The following UBAP1 variants were observed in gnomAD, a reference collection of about 807,000 sequenced individuals.
UBAP1 encodes the protein ubiquitin associated protein 1.
Under a neutral mutation model 39.0 loss-of-function variants are expected in UBAP1, and 5 were observed. The observed-to-expected ratio is 0.13, with a 90% CI of 0.07 to 0.27. The LOEUF is 0.27. Ranked by LOEUF, UBAP1 falls within the 10% of genes least tolerant of loss-of-function variation. The pLI is 1.00. For synonymous variants in UBAP1, 211 were observed against 225.1 expected (o/e 0.94, Z 0.56); for missense variants, 490 against 608.1 (o/e 0.81, Z 2.04).
intron 4 of UBAP1, among the ~76,000 whole-genome samples, chr9:34,245,703 CTG>C (rs1834145145): frequency 1.2e-5 from 1 of 81,260 alleles, no homozygotes. Context: ...TGATCACTGA[CTG>C]TGTGTATCTT....
intron 4 of UBAP1, among the ~76,000 whole-genome samples, chr9:34,242,713 C>T (rs1449729678): frequency 6.6e-6 from 1 of 151,892 alleles, no homozygotes; most frequent in Non-Finnish European, 1.5e-5. Context: ...TTAGTAGAGA[C>T]GGGGTTTTAC....
chr9:34,204,594 T>C (rs1386226598), intron 1 of UBAP1, among the ~76,000 whole-genome samples: 1 of 152,140 alleles, frequency 6.6e-6, no homozygotes, highest in African/African-American at 2.4e-5. Flanking sequence ...TAGAAAATAA[T>C]CTATCTCTAG....
intron 1 of UBAP1, among the ~76,000 whole-genome samples, chr9:34,195,496 C>G (rs1464316140): frequency 6.6e-6 from 1 of 152,028 alleles, no homozygotes; most frequent in African/African-American, 2.4e-5. Flanking sequence ...TATCTTTATG[C>G]CAGTATCACA....
At chr9:34,221,443 T>A (rs969575976) in intron 2 of UBAP1, among the ~76,000 whole-genome samples, 5 of 149,920 alleles carry the variant, frequency 3.3e-5, no homozygotes, top group Non-Finnish European at 7.4e-5. Flanking sequence ...GGCAGAAGAA[T>A]GGCGTGAACC....
rs373769377 is a variant in UBAP1, at chr9:34,219,648, CCT to C, written c.-7-1259_-7-1258del. On this transcript the variant is annotated intron_variant, in intron 1 of 6. Coordinates refer to ENST00000297661, the MANE Select transcript of UBAP1 (RefSeq NM_016525.5). ...GCATCCCTAATCTGAAAAAAATGCCCCTGTGAACATTGAGTTTTGTCTTGTCT... is the reference window on the plus strand; with the variant it reads ...GCATCCCTAATCTGAAAAAAATGCCCGTGAACATTGAGTTTTGTCTTGTCT... Among the ~76,000 whole-genome samples, 266 of 150,102 alleles carry C rather than the reference CCT, an allele frequency of 1.8e-3. 1 individual carries two copies. The highest frequency in any genetic ancestry group is 6.2e-3 in the African/African-American group (253 of 40,742).
chr9:34,225,978 AG>A (rs1454388495), intron 2 of UBAP1, among the ~76,000 whole-genome samples: 1 of 152,108 alleles, frequency 6.6e-6, no homozygotes, highest in Non-Finnish European at 1.5e-5. Flanking sequence ...ATATATAAAA[AG>A]CTGTACATAT....
chr9:34,192,488 C>G (rs1415680002), intron 1 of UBAP1, among the ~76,000 whole-genome samples: 2 of 137,172 alleles, frequency 1.5e-5, no homozygotes, highest in East Asian at 4.4e-4. Flanking sequence ...GCACTCTAGC[C>G]TGGGTGGATA....
rs1834587020 is a variant in UBAP1 at position 34,252,195 on chromosome 9, T to C, written c.*663T>C. On this transcript the variant is annotated 3_prime_UTR_variant, in exon 7 of 7. Coordinates refer to ENST00000297661, the MANE Select transcript of UBAP1 (RefSeq NM_016525.5). ...CCACAGTCCTCTGCTACCCAGGGTTTTAGAGCCCCTGCTCTAGGAAACAGT... is the reference window on the plus strand; with the variant it reads ...CCACAGTCCTCTGCTACCCAGGGTTCTAGAGCCCCTGCTCTAGGAAACAGT... 6.6e-6 allele frequency: 1 copy of C among 152,584 alleles called. No individual in the cohort carries two copies. The allele number at this position is 152,584 out of a possible 1,614,324, so 9.5% of individuals were successfully genotyped here. A position where few individuals can be genotyped will look rare whatever the true frequency, so the allele number is the denominator to read the frequency against.
chr9:34,193,971 A>G (rs1432965736), intron 1 of UBAP1, among the ~76,000 whole-genome samples: 1 of 152,132 alleles, frequency 6.6e-6, no homozygotes, highest in Non-Finnish European at 1.5e-5. Flanking sequence ...GCAGAGGAAG[A>G]GGTTTTGTTT....
chr9:34,187,168 A>T (rs1267829049), intron 1 of UBAP1, among the ~76,000 whole-genome samples: 1 of 152,198 alleles, frequency 6.6e-6, no homozygotes, highest in Non-Finnish European at 1.5e-5. Flanking sequence ...TGGGCCTCCC[A>T]AAGTGCTGGG....
At chr9:34,204,412 GCTGAGTCAAGTATACTTGTCTTT>G (rs1178550335) in intron 1 of UBAP1, among the ~76,000 whole-genome samples, 3 of 152,034 alleles carry the variant, frequency 2.0e-5, no homozygotes, top group African/African-American at 4.8e-5. Flanking sequence ...GTATATACTT[GCTGAGTCAAGTATACTTGTCTTT>G]CTGAGTCAAG....
At chr9:34,236,048 C>A (rs1833685273) in intron 3 of UBAP1, among the ~76,000 whole-genome samples, 1 of 151,810 alleles carries the variant, frequency 6.6e-6, no homozygotes, top group African/African-American at 2.4e-5. Context: ...TTAGTGGAGT[C>A]AGGGTTTCAC....
intron 2 of UBAP1, among the ~76,000 whole-genome samples, chr9:34,233,679 G>A (rs550836576): frequency 6.6e-6 from 1 of 152,176 alleles, no homozygotes; most frequent in Non-Finnish European, 1.5e-5. Flanking sequence ...ATGTTAGAAG[G>A]CAATAAGTGT....
chr9:34,234,461 G>A, intron 3 of UBAP1, 121 bp downstream of exon 3: 1 of 1,139,594 alleles, frequency 8.8e-7, no homozygotes, highest in Non-Finnish European at 1.2e-6. Context: ...GTCAACGATG[G>A]ACCACATATA....
chr9:34,234,402 T>G (rs1205999727), intron 3 of UBAP1, 62 bp downstream of exon 3: 10 of 1,523,030 alleles, frequency 6.6e-6, no homozygotes, highest in Non-Finnish European at 8.8e-6. Context: ...AAGAATTTGA[T>G]GTATAGTGAA....
intron 1 of UBAP1, among the ~76,000 whole-genome samples, chr9:34,198,824 A>G (rs537680016): frequency 6.6e-6 from 1 of 152,180 alleles, no homozygotes; most frequent in South Asian, 2.1e-4. Flanking sequence ...TGCAGAAACT[A>G]TAGGCCCAGG....
chr9:34,195,941 T>TTG (rs2131521765), intron 1 of UBAP1, among the ~76,000 whole-genome samples: 2 of 111,492 alleles, frequency 1.8e-5, no homozygotes, highest in South Asian at 6.7e-4. Context: ...TTTTTTTTTT[T>TTG]TTTTTTTTTT....
intron 1 of UBAP1, among the ~76,000 whole-genome samples, chr9:34,193,292 CAG>C (rs1830837885): frequency 6.6e-6 from 1 of 152,128 alleles, no homozygotes; most frequent in African/African-American, 2.4e-5. Context: ...GCCTGGGTGA[CAG>C]AGTGAGACTC....
chr9:34,192,515 C>CAA (rs4008753), intron 1 of UBAP1, among the ~76,000 whole-genome samples: 15 of 107,432 alleles, frequency 1.4e-4, no homozygotes, highest in South Asian at 2.7e-4. Context: ...GACTCCATCT[C>CAA]AAAAAAAAAA....
Sources: gnomAD v4.1 joint callset for allele counts (sites outside exome capture counted in the v4.1 genomes callset) on GRCh38, gnomAD v4.1.1 for gene constraint, MANE v1.5 for transcripts, NCBI Gene and HGNC (gene_info 2026-07-23, HGNC 2026-07-21) for gene names.